Variants in AP2A2 observed in about 807,000 individuals in gnomAD.
AP2A2 encodes AP-2 complex subunit alpha-2.
Under a neutral mutation model 104.2 loss-of-function variants are expected in AP2A2, and 32 were observed. That is an observed-to-expected ratio of 0.31 (90% CI 0.23 to 0.41). The LOEUF is 0.41. Ranked by LOEUF, AP2A2 falls within the 10% of genes least tolerant of loss-of-function variation. The pLI, the probability that AP2A2 is intolerant of heterozygous loss-of-function variation, is 1.00. For missense variants in AP2A2, 912 were observed against 1,261.0 expected (o/e 0.72, Z 4.19); for synonymous variants, 539 against 533.3 (o/e 1.01, Z -0.15).
intron 1 of AP2A2, among the ~76,000 whole-genome samples, chr11:955,498 G>A (rs1250104377): frequency 6.6e-6 from 1 of 152,194 alleles, no homozygotes; most frequent in Non-Finnish European, 1.5e-5. Flanking sequence ...AGGGGTCACT[G>A]CTGTGAGCAG....
chr11:980,900 G>C (rs554143444), intron 5 of AP2A2, among the ~76,000 whole-genome samples: 1 of 152,398 alleles, frequency 6.6e-6, no homozygotes, highest in South Asian at 2.1e-4. Context: ...GCAAGGTGGC[G>C]TGTGCAGCCC....
At chr11:941,233 T>C (rs1026395853) in intron 1 of AP2A2, among the ~76,000 whole-genome samples, 4 of 152,160 alleles carry the variant, frequency 2.6e-5, no homozygotes, top group Non-Finnish European at 5.9e-5. Context: ...TTGTCTTCCC[T>C]CCTGCAGGTA....
At position 926,031 on chromosome 11, in the gene AP2A2, G is replaced by C; in HGVS notation, c.10G>C (p.Val4Leu). Residue 4 changes from valine (V) to leucine (L), a missense_variant, in exon 1 of 22, where the codon GTG (valine) becomes CTG (leucine). Around this residue, in one of 7 missense-constraint regions of AP2A2, gnomAD observed 43 missense variants for 47.0 expected, o/e 0.91. Transcript: ENST00000448903. MPAVSKGDGMRGLA... is the reference protein window; with the variant it reads MPALSKGDGMRGLA... Reference sequence around the variant, plus strand: ...TCCCGAGCGTCGGAAGATGCCGGCCGTGTCCAAGGGGGACGGGATGCGGGG... The same window carrying C: ...TCCCGAGCGTCGGAAGATGCCGGCCCTGTCCAAGGGGGACGGGATGCGGGG... The C allele has an allele frequency of 7.2e-7, 1 of 1,394,870 alleles. No homozygotes were observed. 86.4% of individuals were successfully genotyped at this position (1,394,870 alleles called of 1,614,324 possible).
intron 1 of AP2A2, among the ~76,000 whole-genome samples, chr11:929,894 G>T (rs1853234047): frequency 6.6e-6 from 1 of 151,994 alleles, no homozygotes; most frequent in Non-Finnish European, 1.5e-5. Context: ...GGCTGAGGTG[G>T]GCGGATCACC....
In AP2A2 at chr11:998,778, A is replaced by G. The variant is rs538458298; in HGVS notation, c.1957-1654A>G. Among the ~76,000 whole-genome samples, 22 of 152,086 alleles carry G rather than the reference A, an allele frequency of 1.4e-4. No homozygotes were observed. In the East Asian group the frequency reaches 3.1e-3, roughly 21 times the overall value. Reference sequence around the variant, plus strand: ...AGTGGTACGATCTTGGCTCACTGCAATCTCCGCCTCCTGGTTTCAGTTCTC... The same window carrying G: ...AGTGGTACGATCTTGGCTCACTGCAGTCTCCGCCTCCTGGTTTCAGTTCTC... On this transcript the variant is annotated intron_variant, in intron 14 of 21. Transcript: ENST00000448903.
rs776777794 is a variant in AP2A2 at position 1,010,598 on chromosome 11, A to G, written c.2793A>G (p.Leu931=). The change falls in exon 22 of 22, where the codon TTA becomes TTG. Residue 931 remains leucine (L), a synonymous_variant. Transcript: ENST00000448903. ...GTAAGGAAGCCGTTTCTCAGAGATT[A>G]TGTGAATTGCTCTCAGCGCAGTTTT... is the stretch of plus-strand genomic sequence containing the variant. ...RTSKEAVSQR[L]CELLSAQF is the part of the protein sequence containing the mutation. 33 of 1,598,524 alleles carry G rather than the reference A, an allele frequency of 2.1e-5. No individual in the cohort carries two copies. The South Asian group carries it at 2.7e-4, about 13-fold the overall frequency.
At chr11:953,291 A>G (rs1359488654) in intron 1 of AP2A2, among the ~76,000 whole-genome samples, 2 of 151,994 alleles carry the variant, frequency 1.3e-5, no homozygotes, top group African/African-American at 4.8e-5. Flanking sequence ...CAGCTTCCCC[A>G]GTAGCTGGGA....
In AP2A2 at chr11:1,011,577, A is replaced by G. The variant is rs537533669; in HGVS notation, c.*952A>G. The G allele has an allele frequency of 4.5e-6, 2 of 447,532 alleles. No homozygotes were observed. The highest frequency in any genetic ancestry group is 4.0e-5 in the African/African-American group (2 of 50,380). 27.7% of individuals were successfully genotyped at this position (447,532 alleles called of 1,614,324 possible). On this transcript the variant is annotated 3_prime_UTR_variant, in exon 22 of 22. Transcript: ENST00000448903. ...GGCTTGTGTCTCACCTGTCATCTGGACTCAGCACCCAGGCTGCACGTCTGA... is the reference window on the plus strand; with the variant it reads ...GGCTTGTGTCTCACCTGTCATCTGGGCTCAGCACCCAGGCTGCACGTCTGA...
At chr11:926,121 G>C (rs775177803) in intron 1 of AP2A2, 33 bp downstream of exon 1, 3 of 1,243,498 alleles carry the variant, frequency 2.4e-6, no homozygotes, top group Non-Finnish European at 3.1e-6. Flanking sequence ...GGCCGGGGCC[G>C]GGGCCGCCGG....
rs182424563 is a variant in AP2A2 at position 934,919 on chromosome 11, C to T, written c.67+8831C>T. On this transcript the variant is annotated intron_variant, in intron 1 of 21. Transcript: ENST00000448903. ...TCTCACCCAGGCTGGAGTGCAGTGG[C>T]GCAATCTTGGTTAACCGCAGCCTCT... Among the ~76,000 whole-genome samples, 271 of 150,634 alleles carry T rather than the reference C, an allele frequency of 1.8e-3. 3 individuals are homozygous for T. The highest frequency in any genetic ancestry group is 3.6e-3 in the Non-Finnish European group (241 of 67,750).
chr11:946,434 C>T (rs1853835411), intron 1 of AP2A2: 1 of 152,180 alleles, frequency 6.6e-6, no homozygotes, highest in South Asian at 2.1e-4. Context: ...GAAAGAGAGA[C>T]TGTCAGTTGA....
intron 15 of AP2A2, among the ~76,000 whole-genome samples, chr11:1,002,229 C>T (rs540040436): frequency 3.8e-4 from 58 of 152,350 alleles, no homozygotes; most frequent in African/African-American, 1.7e-4. Context: ...GTGTAAACTC[C>T]GTGGCCCCTC....
In AP2A2 at chr11:1,009,489, A is replaced by AAG. The variant is rs919050588; in HGVS notation, c.2607+92_2607+93insAG. 2.4e-6 allele frequency: 3 copies of AAG among 1,266,694 alleles called. No homozygotes were observed. In the African/African-American group the frequency reaches 5.0e-5, roughly 21 times the overall value. The allele number at this position is 1,266,694 out of a possible 1,614,324, so 78.5% of individuals were successfully genotyped here. A position where few individuals can be genotyped will look rare whatever the true frequency, so the allele number is the denominator to read the frequency against. On this transcript the variant is annotated intron_variant, in intron 20 of 21. Transcript: ENST00000448903. ...GACGGCCCCGGGGAACACGCAGCCC[A>AAG]TGACCCCGCGCCAGGGTCTGGAGGG...
intron 2 of AP2A2, among the ~76,000 whole-genome samples, chr11:969,066 G>A (rs1833137315): frequency 2.0e-5 from 3 of 152,018 alleles, no homozygotes; most frequent in South Asian, 2.1e-4. Context: ...CCCAGCCTGC[G>A]TTCCTTCACG....
In AP2A2 at chr11:1,000,449, G is replaced by A. The variant is rs766761992; in HGVS notation, c.1974G>A (p.Ser658=). ...STSAVSTPSP[S]ADLLGLGAAP... is the part of the protein sequence containing the mutation. ...TCTTCCAGTCTACGCCTTCTCCGTC[G>A]GCAGACCTGCTGGGTCTCGGGGCTG... The change falls in exon 15 of 22, where the codon TCG becomes TCA. Residue 658 remains serine (S), a synonymous_variant. Transcript: ENST00000448903. 64 of 1,543,470 alleles carry A rather than the reference G, an allele frequency of 4.1e-5. No homozygotes were observed. The East Asian group carries it at 4.4e-4, about 11-fold the overall frequency.
At chr11:983,538 A>T (rs567010250) in intron 6 of AP2A2, among the ~76,000 whole-genome samples, 2 of 151,678 alleles carry the variant, frequency 1.3e-5, no homozygotes, top group Admixed American at 1.3e-4. Flanking sequence ...GCCCGCCACC[A>T]TGCCTGGCTA....
At chr11:972,755 T>C (rs1411888554) in intron 4 of AP2A2, among the ~76,000 whole-genome samples, 1 of 152,214 alleles carries the variant, frequency 6.6e-6, no homozygotes, top group African/African-American at 2.4e-5. Flanking sequence ...CTAATACCAC[T>C]GAGATTCAAA....
At position 1,010,475 on chromosome 11, in the gene AP2A2, C is replaced by T; in HGVS notation, c.2743-73C>T. Reference sequence around the variant, plus strand: ...CCTGGGCATGGCCCACAGGGTTCTGCATGGCGGATCCTGGACCCGAGGGCT... The same window carrying T: ...CCTGGGCATGGCCCACAGGGTTCTGTATGGCGGATCCTGGACCCGAGGGCT... On this transcript the variant is annotated intron_variant, in intron 21 of 21. Coordinates refer to ENST00000448903, the MANE Select transcript of AP2A2 (RefSeq NM_012305.4). The T allele has an allele frequency of 2.3e-6, 3 of 1,282,142 alleles. No homozygotes were observed. The Admixed American group carries it at 6.0e-5, about 26-fold the overall frequency. The allele number at this position is 1,282,142 out of a possible 1,614,324, so 79.4% of individuals were successfully genotyped here. A position where few individuals can be genotyped will look rare whatever the true frequency, so the allele number is the denominator to read the frequency against.
intron 1 of AP2A2, among the ~76,000 whole-genome samples, chr11:951,343 A>G (rs577493374): frequency 1.3e-5 from 2 of 152,166 alleles, no homozygotes; most frequent in South Asian, 4.1e-4. Flanking sequence ...CCTGACCAAT[A>G]TGGTGAAACC....
Sources: allele counts gnomAD v4.1 joint callset (sites outside exome capture counted in the v4.1 genomes callset), GRCh38; gene constraint gnomAD v4.1.1; regional missense constraint gnomAD v4.1.1; transcripts MANE v1.5; gene names NCBI Gene and HGNC (gene_info 2026-07-23, HGNC 2026-07-21).